ZNF562: variants seen among roughly 807,000 people sequenced by gnomAD.
The protein encoded by ZNF562 is zinc finger protein 562.
Under a neutral mutation model 17.5 loss-of-function variants are expected in ZNF562, and 13 were observed. The ratio of observed to expected loss-of-function variants is 0.74; its 90% CI spans 0.48 to 1.18. ZNF562 has a LOEUF of 1.18. Among genes scored for constraint, ZNF562 ranks in the 50% most tolerant of loss-of-function variants. The pLI is 0.00. For missense variants in ZNF562, 481 were observed against 498.5 expected (o/e 0.96, Z 0.33); for synonymous variants, 163 against 165.4 (o/e 0.99, Z 0.11).
intron 1 of ZNF562, among the ~76,000 whole-genome samples, chr19:9,666,899 G>A (rs1251805359): frequency 1.3e-5 from 2 of 151,984 alleles, no homozygotes; most frequent in Admixed American, 1.3e-4. Context: ...TCAAAGAAAA[G>A]CCCAGGACCT....
chr19:9,659,373 G>T lies in ZNF562; in HGVS notation c.114+6C>A, dbSNP rs773744077. ...CATTTTGTACAACGGTACATTTTCT[G>T]TTTACCTGGTAAGAATTTGACCGGT... On this transcript the variant is annotated splice_donor_region_variant and intron_variant, in intron 3 of 5. Coordinates refer to ENST00000453372, the MANE Select transcript of ZNF562 (RefSeq NM_001130031.2). 6.5e-7 allele frequency: 1 copy of T among 1,549,690 alleles called. No individual in the cohort carries two copies. Among genetic ancestry groups the T allele is most frequent in the Admixed American group, 2.0e-5 (1 of 50,910 alleles).
At position 9,651,768 on chromosome 19, in the gene ZNF562, G is replaced by A. The variant is rs567697261; in HGVS notation, c.*1181C>T. On this transcript the variant is annotated 3_prime_UTR_variant, in exon 6 of 6. Coordinates refer to ENST00000453372, the MANE Select transcript of ZNF562 (RefSeq NM_001130031.2). ...CTGATCTACAATCTATAGGAATAAT[G>A]TTTATCACAGGCTTACTGTCAATAA... 9.8e-5 allele frequency: 15 copies of A among 152,292 alleles called. No individual in the cohort carries two copies. In the South Asian group the frequency reaches 2.9e-3, roughly 29 times the overall value. The allele number at this position is 152,292 out of a possible 1,614,324, so 9.4% of individuals were successfully genotyped here.
At chr19:9,666,606 A>G (rs1161438724) in intron 1 of ZNF562, among the ~76,000 whole-genome samples, 1 of 152,100 alleles carries the variant, frequency 6.6e-6, no homozygotes, top group African/African-American at 2.4e-5. Flanking sequence ...TAAAACATAA[A>G]GTTGATTACT....
intron 1 of ZNF562, among the ~76,000 whole-genome samples, chr19:9,667,825 T>C (rs985390073): frequency 6.6e-6 from 1 of 151,948 alleles, no homozygotes; most frequent in Non-Finnish European, 1.5e-5. Context: ...GAACTCCTGA[T>C]TTCAAGTGAT....
At chr19:9,663,007 A>G (rs2043814199) in intron 1 of ZNF562, among the ~76,000 whole-genome samples, 1 of 151,504 alleles carries the variant, frequency 6.6e-6, no homozygotes, top group South Asian at 2.1e-4. Flanking sequence ...CTGGCCAGCT[A>G]TTGTTCTAAA....
At chr19:9,662,223 C>T (rs866209443) in intron 1 of ZNF562, among the ~76,000 whole-genome samples, 10 of 152,102 alleles carry the variant, frequency 6.6e-5, no homozygotes, top group Non-Finnish European at 1.5e-4. Context: ...TCACTAGCCA[C>T]GTGTGTTATT....
At chr19:9,659,253 T>C in intron 3 of ZNF562, 126 bp downstream of exon 3, 1 of 822,932 alleles carries the variant, frequency 1.2e-6, no homozygotes, top group Non-Finnish European at 1.9e-6. Context: ...CACCTGGGGA[T>C]TCAGTCCTTG....
chr19:9,643,785 C>T lies in ZNF562; in HGVS notation c.*9164G>A, dbSNP rs933729811. The T allele has an allele frequency of 1.3e-5, 2 of 151,952 alleles. No individual in the cohort carries two copies. Among genetic ancestry groups the T allele is most frequent in the Admixed American group, 6.6e-5 (1 of 15,220 alleles). 9.4% of individuals were successfully genotyped at this position (151,952 alleles called of 1,614,324 possible). A position where few individuals can be genotyped will look rare whatever the true frequency, so the allele number is the denominator to read the frequency against. The stretch of plus-strand genomic sequence containing the variant: ...AAGTGTTGAGACTCCAGGCATAAGC[C>T]ACTTTGCCCAGTTGCTACTATTATA... On this transcript the variant is annotated 3_prime_UTR_variant, in exon 6 of 6. Coordinates refer to ENST00000453372, the MANE Select transcript of ZNF562 (RefSeq NM_001130031.2).
At chr19:9,670,364 A>C (rs2044143866) in intron 1 of ZNF562, among the ~76,000 whole-genome samples, 1 of 152,238 alleles carries the variant, frequency 6.6e-6, no homozygotes, top group Admixed American at 6.5e-5. Flanking sequence ...ATATTTGAAA[A>C]GATATATATA....
chr19:9,659,355 T>G, intron 3 of ZNF562, 24 bp downstream of exon 3: 1 of 1,541,352 alleles, frequency 6.5e-7, no homozygotes, highest in African/African-American at 1.4e-5. Context: ...TGTCATTTTG[T>G]ACAACGGTAC....
intron 5 of ZNF562, among the ~76,000 whole-genome samples, chr19:9,654,715 G>A (rs970324161): frequency 6.6e-6 from 1 of 152,008 alleles, no homozygotes; most frequent in Non-Finnish European, 1.5e-5. Context: ...CGAAAGTGCT[G>A]GAATTACAGG....
At chr19:9,659,237 G>A (rs2287843) in intron 3 of ZNF562, 142 bp downstream of exon 3, 57,954 of 723,740 alleles carry the variant, frequency 0.08, 3,466 homozygotes, top group African/African-American at 0.2. Flanking sequence ...ATTCCCTGGG[G>A]AAATTCACCT....
Position 9,653,453 on chromosome 19 carries a change from G to A in ZNF562, c.777C>T (p.Ser259=), listed in dbSNP as rs1059198. Residue 259 remains serine, a synonymous_variant, in exon 6 of 6, where the codon TCC becomes TCT. Transcript: ENST00000453372. ...QCVAVHTGKK[S]EKTKNCGKSF... is the part of the protein sequence containing the mutation. ...ATTTCCCACAGTTCTTAGTCTTTTC[G>A]GATTTCTTTCCAGTATGAACTGCTA... 1.1e-4 allele frequency: 182 copies of A among 1,614,156 alleles called. 1 individual carries two copies. In the African/African-American group the frequency reaches 1.3e-3, roughly 11 times the overall value.
intron 1 of ZNF562, among the ~76,000 whole-genome samples, chr19:9,674,432 T>G (rs1003940543): frequency 5.9e-5 from 9 of 152,116 alleles, no homozygotes; most frequent in African/African-American, 2.2e-4. Flanking sequence ...TAACAATCAC[T>G]TGAACCCGGG....
At chr19:9,669,484 A>T (rs905043830) in intron 1 of ZNF562, among the ~76,000 whole-genome samples, 2 of 152,146 alleles carry the variant, frequency 1.3e-5, no homozygotes, top group Admixed American at 1.3e-4. Context: ...TGGTGAAAAG[A>T]TAATCCTTGT....
intron 2 of ZNF562, among the ~76,000 whole-genome samples, chr19:9,660,392 C>T (rs1048255750): frequency 2.0e-5 from 3 of 151,980 alleles, no homozygotes; most frequent in Non-Finnish European, 1.5e-5. Context: ...TTTGGGAGGC[C>T]GAGGCAGGCA....
At chr19:9,664,313 CCCGCCCCAGCCTCCAAAAGTGCTGGA>C (rs2043865282) in intron 1 of ZNF562, among the ~76,000 whole-genome samples, 1 of 152,194 alleles carries the variant, frequency 6.6e-6, no homozygotes, top group African/African-American at 2.4e-5. Flanking sequence ...GAGTGGTCCA[CCCGCCCCAGCCTCCAAAAGTGCTGGA>C]ATTATAGTTC....
At position 9,650,982 on chromosome 19, in the gene ZNF562, A is replaced by AAAAAAAAAAAAAAAAAAAAAAAAAAAC. The variant is rs1599260751; in HGVS notation, c.*1966_*1967insGTTTTTTTTTTTTTTTTTTTTTTTTTT. ...AAAAAAAAAAAAAAAAAAAAAAAAA[A>AAAAAAAAAAAAAAAAAAAAAAAAAAAC]TCCTGTGTTTTTAACCTCATTGATT... On this transcript the variant is annotated 3_prime_UTR_variant, in exon 6 of 6. Transcript: ENST00000453372. The AAAAAAAAAAAAAAAAAAAAAAAAAAAC allele has an allele frequency of 6.8e-6, 1 of 146,054 alleles. No individual in the cohort carries two copies. 9.0% of individuals were successfully genotyped at this position (146,054 alleles called of 1,614,324 possible). A position where few individuals can be genotyped will look rare whatever the true frequency, so the allele number is the denominator to read the frequency against.
At position 9,644,585 on chromosome 19, in the gene ZNF562, G is replaced by A; in HGVS notation, c.*8364C>T. 6.6e-6 allele frequency: 1 copy of A among 152,348 alleles called. No individual in the cohort carries two copies. Among genetic ancestry groups the A allele is most frequent in the Non-Finnish European group, 1.5e-5 (1 of 68,062 alleles). 9.4% of individuals were successfully genotyped at this position (152,348 alleles called of 1,614,324 possible). ...GGAGGCCTCAAAATCATGACAGAAG[G>A]TGAAGGAGGAGCAAAGGCACATCTT... On this transcript the variant is annotated 3_prime_UTR_variant, in exon 6 of 6. Coordinates refer to ENST00000453372, the MANE Select transcript of ZNF562 (RefSeq NM_001130031.2).
Sources: allele counts gnomAD v4.1 joint callset (sites outside exome capture counted in the v4.1 genomes callset), GRCh38; gene constraint gnomAD v4.1.1; transcripts MANE v1.5; gene names NCBI Gene and HGNC (gene_info 2026-07-23, HGNC 2026-07-21).